Variants in FBLN5 observed in about 807,000 individuals in gnomAD.
FBLN5 encodes fibulin 5.
Under a neutral mutation model 61.6 loss-of-function variants are expected in FBLN5, and 24 were observed. That is an observed-to-expected ratio of 0.39 (90% confidence interval 0.28 to 0.55). The LOEUF (loss-of-function observed/expected upper bound fraction) is 0.55, where lower values mean the gene tolerates loss of function less well. Ranked by LOEUF, FBLN5 falls within the 20% of genes least tolerant of loss-of-function variation. The pLI is 0.65. For missense variants in FBLN5, 470 were observed against 594.1 expected, an observed-to-expected ratio of 0.79 and a Z score of 2.17; for synonymous variants, 213 against 219.8, an observed-to-expected ratio of 0.97 and a Z score of 0.27.
intron 4 of FBLN5, among the ~76,000 whole-genome samples, chr14:91,932,080 C>T (rs535087495): frequency 6.6e-5 from 10 of 152,306 alleles, no homozygotes; most frequent in South Asian, 2.1e-4. Context: ...CCTGCTTACC[C>T]GTTAACCATG....
chr14:91,898,963 G>A (rs935734733), intron 4 of FBLN5, among the ~76,000 whole-genome samples: 15 of 151,722 alleles, frequency 9.9e-5, no homozygotes, highest in African/African-American at 3.4e-4. Flanking sequence ...CACCACGCCC[G>A]GCTAATTTTT....
intron 9 of FBLN5, among the ~76,000 whole-genome samples, chr14:91,880,279 G>A (rs1036190779): frequency 5.3e-5 from 8 of 152,144 alleles, no homozygotes; most frequent in African/African-American, 1.7e-4. Flanking sequence ...CCAGAAAGGC[G>A]GAATCTTGGG....
chr14:91,884,746 C>T (rs1049468267), intron 7 of FBLN5, among the ~76,000 whole-genome samples: 11 of 152,334 alleles, frequency 7.2e-5, no homozygotes, highest in Non-Finnish European at 1.3e-4. Context: ...GGGCAAGCAC[C>T]CAAGCAGGGT....
chr14:91,934,034 C>T (rs757425554), intron 4 of FBLN5, among the ~76,000 whole-genome samples: 7 of 152,010 alleles, frequency 4.6e-5, no homozygotes, highest in Non-Finnish European at 8.8e-5. Context: ...ATCACTTGAG[C>T]CCAGGAGGCA....
chr14:91,884,122 AAAG>A (rs1278872470), intron 7 of FBLN5, among the ~76,000 whole-genome samples: 1 of 152,154 alleles, frequency 6.6e-6, no homozygotes, highest in African/African-American at 2.4e-5. Context: ...TGTCAACGCA[AAAG>A]AAGCTGCCTC....
Position 91,883,866 on chromosome 14 carries a change from A to G in FBLN5, c.740-790T>C, listed in dbSNP as rs187563306. 2.0e-3 allele frequency among the ~76,000 whole-genome samples: 301 copies of G among 152,286 alleles called. 2 individuals carry two copies. The highest frequency in any genetic ancestry group is 6.3e-3 in the African/African-American group (262 of 41,556). Reference sequence around the variant, plus strand: ...TCCATGTGATTTACAACTCATCCGCATGGGCTATGGCGGTTGATGCAGATG... The same window carrying G: ...TCCATGTGATTTACAACTCATCCGCGTGGGCTATGGCGGTTGATGCAGATG... On this transcript the variant is annotated intron_variant, in intron 7 of 10. Coordinates refer to ENST00000342058, the MANE Select transcript of FBLN5 (RefSeq NM_006329.4).
At chr14:91,925,720 A>C (rs1056922242) in intron 4 of FBLN5, among the ~76,000 whole-genome samples, 11 of 152,198 alleles carry the variant, frequency 7.2e-5, no homozygotes, top group Non-Finnish European at 1.5e-4. Flanking sequence ...ATCTCACTGG[A>C]AGGTTCTTCA....
chr14:91,885,244 C>T (rs1889674636), intron 7 of FBLN5, among the ~76,000 whole-genome samples: 2 of 152,296 alleles, frequency 1.3e-5, no homozygotes, highest in East Asian at 1.9e-4. Context: ...TCATGGAGAA[C>T]ATGGAGGACA....
chr14:91,879,210 C>T (rs1216055195), intron 9 of FBLN5, among the ~76,000 whole-genome samples: 2 of 152,174 alleles, frequency 1.3e-5, no homozygotes, highest in South Asian at 2.1e-4. Context: ...TGGCTCCCAG[C>T]TGAAGAGGAC....
At chr14:91,876,051 A>C (rs975204403) in intron 10 of FBLN5, among the ~76,000 whole-genome samples, 2 of 152,242 alleles carry the variant, frequency 1.3e-5, no homozygotes, top group South Asian at 4.1e-4. Context: ...CACTAAGTGG[A>C]TAATCTCATC....
At chr14:91,877,978 A>C in intron 9 of FBLN5, 1 of 512,882 alleles carries the variant, frequency 1.9e-6, no homozygotes, top group Non-Finnish European at 3.8e-6. Context: ...GATACTTTAC[A>C]TTTGCCACGT....
intron 10 of FBLN5, among the ~76,000 whole-genome samples, chr14:91,871,121 A>G (rs549459769): frequency 6.6e-6 from 1 of 152,102 alleles, no homozygotes; most frequent in South Asian, 2.1e-4. Flanking sequence ...TAATTTATCT[A>G]TACAACCAAC....
At chr14:91,927,694 C>A (rs891989907) in intron 4 of FBLN5, among the ~76,000 whole-genome samples, 2 of 152,246 alleles carry the variant, frequency 1.3e-5, no homozygotes, top group African/African-American at 4.8e-5. Flanking sequence ...TGCAACCTGG[C>A]AGGTAACTTC....
chr14:91,911,109 A>C (rs928343662), intron 4 of FBLN5, among the ~76,000 whole-genome samples: 2 of 151,974 alleles, frequency 1.3e-5, no homozygotes, highest in African/African-American at 4.8e-5. Flanking sequence ...TCAGCTTCCC[A>C]AGTGGCTGAG....
intron 4 of FBLN5, among the ~76,000 whole-genome samples, chr14:91,923,099 ATCCTGAGTGG>A (rs1203823411): frequency 2.6e-5 from 4 of 152,170 alleles, no homozygotes; most frequent in Non-Finnish European, 4.4e-5. Context: ...GCATCTTTGC[ATCCTGAGTGG>A]TCAAGGCTGG....
chr14:91,942,497 G>T (rs1382229318), intron 2 of FBLN5, among the ~76,000 whole-genome samples: 1 of 152,236 alleles, frequency 6.6e-6, no homozygotes, highest in Admixed American at 6.5e-5. Context: ...TGCTGTGAGG[G>T]GCACAAATGA....
chr14:91,905,102 G>T (rs974484249), intron 4 of FBLN5, among the ~76,000 whole-genome samples: 14 of 152,172 alleles, frequency 9.2e-5, no homozygotes, highest in Admixed American at 2.6e-4. Flanking sequence ...CAGTCCATCA[G>T]CAGCAGCAAA....
intron 4 of FBLN5, among the ~76,000 whole-genome samples, chr14:91,930,274 T>C (rs1259711411): frequency 6.6e-6 from 1 of 152,156 alleles, no homozygotes; most frequent in Non-Finnish European, 1.5e-5. Context: ...CTGTTATCCC[T>C]GTTTACGGGA....
chr14:91,894,485 T>C (rs911868116), intron 5 of FBLN5, among the ~76,000 whole-genome samples: 6 of 145,564 alleles, frequency 4.1e-5, no homozygotes, highest in Non-Finnish European at 7.5e-5. Context: ...CTCAGCACTT[T>C]TGAGGCGGGC....
Sources: gnomAD v4.1 joint callset for allele counts (sites outside exome capture counted in the v4.1 genomes callset) on GRCh38, gnomAD v4.1.1 for gene constraint, MANE v1.5 for transcripts, NCBI Gene and HGNC (gene_info 2026-07-23, HGNC 2026-07-21) for gene names.